STXBP5L: variants seen among roughly 807,000 people sequenced by gnomAD.
STXBP5L encodes the protein syntaxin binding protein 5L.
STXBP5L carries 65 observed loss-of-function variants against 144.5 expected under a neutral mutation model. The observed-to-expected ratio is 0.45, with a 90% CI of 0.37 to 0.55. The LOEUF is 0.55. Ranked by LOEUF, STXBP5L falls within the 20% of genes least tolerant of loss-of-function variation. STXBP5L has a pLI of 0.00. For missense variants in STXBP5L, 1,298 were observed against 1,405.5 expected (o/e 0.92, Z 1.22); for synonymous variants, 505 against 469.6 (o/e 1.08, Z -0.97).
chr3:121,277,910 G>T (rs575249980), intron 18 of STXBP5L, among the ~76,000 whole-genome samples: 1 of 152,104 alleles, frequency 6.6e-6, no homozygotes, highest in Non-Finnish European at 1.5e-5. Context: ...TCTGGGAATT[G>T]TTCTGCCTTA....
intron 2 of STXBP5L, among the ~76,000 whole-genome samples, chr3:120,954,087 C>T (rs1937750841): frequency 6.6e-6 from 1 of 152,158 alleles, no homozygotes; most frequent in Non-Finnish European, 1.5e-5. Context: ...ATCTATCCAT[C>T]TGTCCACCCA....
chr3:121,127,898 A>G (rs888242582), intron 7 of STXBP5L, among the ~76,000 whole-genome samples: 4 of 151,770 alleles, frequency 2.6e-5, no homozygotes, highest in Non-Finnish European at 5.9e-5. Flanking sequence ...CCGTGTAATG[A>G]CTTCACCTAA....
chr3:121,106,303 A>T (rs564156850), intron 5 of STXBP5L, among the ~76,000 whole-genome samples: 1 of 152,226 alleles, frequency 6.6e-6, no homozygotes, highest in Admixed American at 6.5e-5. Context: ...GTTTGTTAAC[A>T]TATGTAAACA....
intron 12 of STXBP5L, among the ~76,000 whole-genome samples, chr3:121,234,936 C>G (rs958850146): frequency 6.6e-6 from 1 of 151,824 alleles, no homozygotes; most frequent in African/African-American, 2.4e-5. Context: ...GTCTAAGTAT[C>G]TAACATCTTT....
At chr3:120,977,347 G>T (rs551672732) in intron 3 of STXBP5L, among the ~76,000 whole-genome samples, 1 of 151,930 alleles carries the variant, frequency 6.6e-6, no homozygotes, top group Non-Finnish European at 1.5e-5. Context: ...AGTCTGTTTT[G>T]TCAGAGAGTA....
intron 5 of STXBP5L, among the ~76,000 whole-genome samples, chr3:121,056,573 T>C (rs888000021): frequency 1.4e-4 from 21 of 152,146 alleles, no homozygotes; most frequent in Non-Finnish European, 2.8e-4. Context: ...TAAAATATTT[T>C]ATAAAGGCAA....
intron 9 of STXBP5L, among the ~76,000 whole-genome samples, chr3:121,199,910 T>C (rs536411448): frequency 3.9e-5 from 6 of 152,342 alleles, no homozygotes; most frequent in African/African-American, 1.2e-4. Flanking sequence ...GATTTTTGTA[T>C]TGATGTTCAT....
chr3:121,110,573 G>A (rs1034244954), intron 5 of STXBP5L, among the ~76,000 whole-genome samples: 1 of 152,058 alleles, frequency 6.6e-6, no homozygotes, highest in Non-Finnish European at 1.5e-5. Context: ...TTTTTGGCTT[G>A]TAGGGTTTCT....
intron 2 of STXBP5L, 112 bp from the exon 3 acceptor site, chr3:120,954,826 CTT>C (rs142292885): frequency 2.7e-5 from 18 of 670,262 alleles, no homozygotes; most frequent in African/African-American, 3.8e-5. Context: ...TTGGTGGTAG[CTT>C]TTTTTTTTCC....
At chr3:121,382,424 A>G (rs563628971) in intron 22 of STXBP5L, among the ~76,000 whole-genome samples, 94 of 152,256 alleles carry the variant, frequency 6.2e-4, no homozygotes, top group Non-Finnish European at 8.4e-4. Flanking sequence ...ATTTTAACAT[A>G]TAGTTCACAA....
chr3:121,192,372 A>G (rs112069743), intron 9 of STXBP5L, among the ~76,000 whole-genome samples: 17,070 of 152,256 alleles, frequency 0.11, 1,051 homozygotes, highest in Non-Finnish European at 0.14. Flanking sequence ...GGAAGAATCA[A>G]TATCATCAAA....
At position 120,993,723 on chromosome 3, in the gene STXBP5L, T is replaced by G. The variant is rs1384244157; in HGVS notation, c.287+38686T>G. Among the ~76,000 whole-genome samples the G allele has an allele frequency of 2.0e-5, 3 of 152,254 alleles. No individual in the cohort carries two copies. The East Asian group carries it at 5.8e-4, about 29-fold the overall frequency. ...TATTGCCTTGTAATATATTTTGACA[T>G]CAGGTAGTGTGATGCTTCCAGCTTT... On this transcript the variant is annotated intron_variant, in intron 3 of 26. Transcript: ENST00000471454.
chr3:121,196,832 GATT>G (rs1367071948), intron 9 of STXBP5L, among the ~76,000 whole-genome samples: 1 of 120,152 alleles, frequency 8.3e-6, no homozygotes, highest in Admixed American at 8.2e-5. Context: ...ACCATGCCCA[GATT>G]ATTGATTGAT....
intron 4 of STXBP5L, among the ~76,000 whole-genome samples, chr3:121,043,418 T>G (rs1258249846): frequency 1.3e-5 from 2 of 152,112 alleles, no homozygotes; most frequent in South Asian, 2.1e-4. Context: ...TATCACAGAA[T>G]TAAGAATACT....
intron 10 of STXBP5L, among the ~76,000 whole-genome samples, chr3:121,213,847 C>CT (rs2108264780): frequency 6.6e-6 from 1 of 152,138 alleles, no homozygotes; most frequent in Non-Finnish European, 1.5e-5. Flanking sequence ...TGGTCCTGGG[C>CT]TTTTTTGGGT....
intron 20 of STXBP5L, among the ~76,000 whole-genome samples, chr3:121,330,224 G>A (rs1342878900): frequency 6.6e-6 from 1 of 152,172 alleles, no homozygotes; most frequent in Non-Finnish European, 1.5e-5. Context: ...GCTGCTGCTA[G>A]TGGAACACTG....
intron 3 of STXBP5L, among the ~76,000 whole-genome samples, chr3:120,982,369 T>C (rs1449669520): frequency 6.6e-6 from 1 of 152,172 alleles, no homozygotes; most frequent in Non-Finnish European, 1.5e-5. Flanking sequence ...AGAGAAGACA[T>C]CAGCACTGAC....
chr3:121,090,154 A>G (rs755055267), intron 5 of STXBP5L, among the ~76,000 whole-genome samples: 3 of 152,098 alleles, frequency 2.0e-5, no homozygotes, highest in Non-Finnish European at 4.4e-5. Flanking sequence ...CATTCCAGGC[A>G]TTGTTATGAG....
At chr3:121,060,825 T>G (rs2041236803) in intron 5 of STXBP5L, among the ~76,000 whole-genome samples, 1 of 152,236 alleles carries the variant, frequency 6.6e-6, no homozygotes. Flanking sequence ...GATATCCACT[T>G]TATCATTTTT....
Sources: gnomAD v4.1 joint callset for allele counts (sites outside exome capture counted in the v4.1 genomes callset) on GRCh38, gnomAD v4.1.1 for gene constraint, MANE v1.5 for transcripts, NCBI Gene and HGNC (gene_info 2026-07-23, HGNC 2026-07-21) for gene names.